The following LPA variants were observed in gnomAD, a reference collection of about 807,000 sequenced individuals.
LPA encodes the protein lipoprotein(a).
Under a neutral mutation model 197.9 loss-of-function variants are expected in LPA, and 199 were observed. That is an observed-to-expected ratio of 1.01 (90% confidence interval 0.90 to 1.13). The LOEUF is 1.13. LPA is among the 50% of genes most tolerant of loss of function. The probability of loss-of-function intolerance (pLI) is 0.00; values close to 1 mark genes in which losing one functional copy is unlikely to be tolerated. For synonymous variants in LPA, 715 were observed against 639.5 expected (o/e 1.12, Z -1.78); for missense variants, 1,853 against 1,785.8 (o/e 1.04, Z -0.68).
chr6:160,547,533 C>A (rs924730436), intron 32 of LPA, among the ~76,000 whole-genome samples: 1 of 152,026 alleles, frequency 6.6e-6, no homozygotes, highest in African/African-American at 2.4e-5. Flanking sequence ...GGAGTGGGGA[C>A]CCCTGGCTTA....
Position 160,606,495 on chromosome 6 carries a change from C to G in LPA, c.2767G>C (p.Glu923Gln). Residue 923 changes from glutamate (E) to glutamine (Q), a missense_variant, in exon 17 of 39, where the codon GAG becomes CAG. Physicochemically the swap from Glu to Gln is conservative, Grantham distance 29 (BLOSUM62 2). Coordinates refer to ENST00000316300, the MANE Select transcript of LPA (RefSeq NM_005577.4). The part of the protein sequence containing the change: ...PPTITPIPSL[E>Q]APSEQAPTEQ... ...TCCTTACCTTGTTCAGAAGGAGCCT[C>G]TAGGCTTGGAATCGGGGTAATAGTT... The G allele has an allele frequency of 6.2e-7, 1 of 1,613,504 alleles. No individual in the cohort carries two copies. The highest frequency in any genetic ancestry group is 8.5e-7 in the Non-Finnish European group (1 of 1,179,854).
In LPA at chr6:160,556,564, G is replaced by A. The variant is rs192776464; in HGVS notation, c.4814-380C>T. Among the ~76,000 whole-genome samples the A allele has an allele frequency of 2.9e-3, 449 of 152,204 alleles. 3 individuals carry two copies. The highest frequency in any genetic ancestry group is 1.9e-3 in the Non-Finnish European group (132 of 68,000). On this transcript the variant is annotated intron_variant, in intron 29 of 38. Coordinates refer to ENST00000316300, the MANE Select transcript of LPA (RefSeq NM_005577.4). Reference sequence around the variant, plus strand: ...TTGGCTGTCAGTAGGGGACAGACATGAAAACCCTGCACAGTTCCCTAGATG... The same window carrying A: ...TTGGCTGTCAGTAGGGGACAGACATAAAAACCCTGCACAGTTCCCTAGATG...
At chr6:160,554,102 G>A (rs1778216082) in intron 30 of LPA, among the ~76,000 whole-genome samples, 1 of 151,754 alleles carries the variant, frequency 6.6e-6, no homozygotes, top group South Asian at 2.1e-4. Context: ...CTTTTTTGTA[G>A]TTCTTTAATT....
rs767906902 is a variant in LPA, at chr6:160,599,499, C to T, written c.3287+1G>A. ...GCTTATGGTAAAGAACAAAGACGTA[C>T]GCATTTGGGTAGTTTTCTGGGGTCC... On this transcript the variant is annotated splice_donor_variant, in intron 20 of 38. Coordinates refer to ENST00000316300, the MANE Select transcript of LPA (RefSeq NM_005577.4). LOFTEE classifies it high-confidence loss of function. 24 of 1,613,428 alleles carry T rather than the reference C, an allele frequency of 1.5e-5. No individual in the cohort carries two copies. The highest frequency in any genetic ancestry group is 6.7e-5 in the Admixed American group (4 of 59,986).
At chr6:160,548,181 C>T (rs988176853) in intron 31 of LPA, among the ~76,000 whole-genome samples, 3 of 152,120 alleles carry the variant, frequency 2.0e-5, no homozygotes, top group African/African-American at 7.2e-5. Flanking sequence ...AGGAATTTGA[C>T]TGGGACACTG....
chr6:160,651,049 G>C (rs1779996795), intron 1 of LPA, among the ~76,000 whole-genome samples: 1 of 152,154 alleles, frequency 6.6e-6, no homozygotes, highest in Non-Finnish European at 1.5e-5. Flanking sequence ...AGGAGAGACT[G>C]GAAATTTTCT....
In LPA at chr6:160,650,495, C is replaced by T. The variant is rs1779985147; in HGVS notation, c.52G>A (p.Ala18Thr). The T allele has an allele frequency of 6.2e-7, 1 of 1,613,256 alleles. No individual in the cohort carries two copies. Among genetic ancestry groups the T allele is most frequent in the Non-Finnish European group, 8.5e-7 (1 of 1,179,470 alleles). The change falls in exon 2 of 39, where the codon GCA becomes ACA. Residue 18 changes from alanine (A) to threonine (T), a missense_variant and splice_region_variant. By Grantham distance (58) the Ala-to-Thr change is moderately conservative (BLOSUM62 0). Around this residue, in one of 3 missense-constraint regions of LPA, gnomAD observed 88 missense variants for 83.0 expected, o/e 1.06. Coordinates refer to ENST00000316300, the MANE Select transcript of LPA (RefSeq NM_005577.4). ...TGGACCACATGGCTTTGCTCAGGTG[C>T]TGCTAAAATTAAAACAGAAGAAATC... ...LLLLLFLKSA[A>T]PEQSHVVQDC...
intron 26 of LPA, among the ~76,000 whole-genome samples, chr6:160,583,171 G>T (rs1778832465): frequency 6.6e-6 from 1 of 151,396 alleles, no homozygotes; most frequent in African/African-American, 2.4e-5. Context: ...ATCATTTTTG[G>T]GTCTATTTGT....
At chr6:160,535,724 G>A (rs55699603) in intron 37 of LPA, among the ~76,000 whole-genome samples, 3,182 of 151,458 alleles carry the variant, frequency 0.021, 108 homozygotes, top group African/African-American at 0.071. Context: ...AGTGGTGGAC[G>A]GTGATGATGA....
chr6:160,606,468 G>C lies in LPA; in HGVS notation c.2785+9C>G, dbSNP rs764038715. 17 of 1,613,192 alleles carry C rather than the reference G, an allele frequency of 1.1e-5. No homozygotes were observed. The highest frequency in any genetic ancestry group is 2.2e-5 in the East Asian group (1 of 44,858). On this transcript the variant is annotated intron_variant, in intron 17 of 38. Transcript: ENST00000316300. ...GAAACGTGTAGGTTTCTGGCCACAGGCTCCTTACCTTGTTCAGAAGGAGCC... is the reference window on the plus strand; with the variant it reads ...GAAACGTGTAGGTTTCTGGCCACAGCCTCCTTACCTTGTTCAGAAGGAGCC...
chr6:160,555,515 A>G, intron 30 of LPA, among the ~76,000 whole-genome samples: 1 of 147,636 alleles, frequency 6.8e-6, no homozygotes, highest in Middle Eastern at 3.2e-3. Context: ...ACATATATAT[A>G]TGAACATATA....
intron 18 of LPA, among the ~76,000 whole-genome samples, chr6:160,602,286 A>T (rs538904261): frequency 2.6e-5 from 4 of 152,240 alleles, no homozygotes; most frequent in South Asian, 4.2e-4. Context: ...ATCCCTCAGA[A>T]TTCAAAATTT....
At chr6:160,542,572 G>T (rs573779764) in intron 34 of LPA, 116 bp downstream of exon 34, 1 of 1,481,800 alleles carries the variant, frequency 6.7e-7, no homozygotes. Context: ...TCCTCCTTCA[G>T]AAAACAGAGA....
At chr6:160,552,173 A>G (rs949063937) in intron 30 of LPA, among the ~76,000 whole-genome samples, 2 of 152,172 alleles carry the variant, frequency 1.3e-5, no homozygotes, top group African/African-American at 4.8e-5. Context: ...CAGCCTCCCA[A>G]AATGTTGGGG....
intron 16 of LPA, among the ~76,000 whole-genome samples, chr6:160,609,761 A>ATG (rs148114434): frequency 2.0e-5 from 3 of 150,792 alleles, no homozygotes; most frequent in South Asian, 2.1e-4. Context: ...AGGGATGTGC[A>ATG]TGTGTGTGTG....
intron 17 of LPA, among the ~76,000 whole-genome samples, chr6:160,606,080 T>C (rs1234241642): frequency 6.6e-6 from 1 of 152,162 alleles, no homozygotes; most frequent in Non-Finnish European, 1.5e-5. Context: ...CACATTTCTC[T>C]GAATCTGCAA....
Position 160,589,605 on chromosome 6 carries a change from AC to A in LPA, c.3894del (p.Trp1298CysfsTer4). On this transcript the variant is annotated frameshift_variant, in exon 24 of 39. Coordinates refer to ENST00000316300, the MANE Select transcript of LPA (RefSeq NM_005577.4). LOFTEE classifies it high-confidence loss of function. Reference protein sequence around the residue: ...TTVTGRTCQSWSSMTPHWHQR... With the variant: ...TTVTGRTCQSXSSMTPHWHQR... ...TGATGCCAGTGTGGTGTCATAGAGG[AC>A]CAAGACTGACATGTCCTTCCTGTAA... 1 of 1,613,930 alleles carries A rather than the reference AC, an allele frequency of 6.2e-7. No individual in the cohort carries two copies. The highest frequency in any genetic ancestry group is 8.5e-7 in the Non-Finnish European group (1 of 1,179,882).
intron 28 of LPA, among the ~76,000 whole-genome samples, chr6:160,566,511 C>T (rs561817664): frequency 6.6e-6 from 1 of 152,244 alleles, no homozygotes; most frequent in East Asian, 1.9e-4. Context: ...TGGAAAGAAA[C>T]AATCGGTATC....
In LPA at chr6:160,589,728, G is replaced by A; in HGVS notation, c.3788-16C>T. 6.2e-7 allele frequency: 1 copy of A among 1,613,590 alleles called. No individual in the cohort carries two copies. Among genetic ancestry groups the A allele is most frequent in the Non-Finnish European group, 8.5e-7 (1 of 1,179,684 alleles). On this transcript the variant is annotated splice_polypyrimidine_tract_variant and intron_variant, in intron 23 of 38. Transcript: ENST00000316300. ...TCCGTTGGTGCTGAAATTCAAAGAG[G>A]AGAAAACAAACTGAGTAATTTCCAG...
Sources: gnomAD v4.1 joint callset for allele counts (sites outside exome capture counted in the v4.1 genomes callset) on GRCh38, gnomAD v4.1.1 for gene constraint, gnomAD v4.1.1 regional missense constraint, MANE v1.5 for transcripts, NCBI Gene and HGNC (gene_info 2026-07-23, HGNC 2026-07-21) for gene names.